Variants in PCDH15 observed in about 807,000 individuals in gnomAD.
PCDH15 encodes protocadherin related 15.
Under a neutral mutation model 178.5 loss-of-function variants are expected in PCDH15, and 129 were observed. The ratio of observed to expected loss-of-function variants is 0.72; its 90% CI spans 0.63 to 0.84. The LOEUF is 0.84. Ranked by LOEUF, PCDH15 falls within the 40% of genes least tolerant of loss-of-function variation. PCDH15 has a pLI of 0.00. For synonymous variants in PCDH15, 800 were observed against 732.0 expected (o/e 1.09, Z -1.50); for missense variants, 2,230 against 2,099.9 (o/e 1.06, Z -1.21).
At chr10:55,464,253 T>C (rs1839780602) in intron 2 of PCDH15, among the ~76,000 whole-genome samples, 1 of 152,128 alleles carries the variant, frequency 6.6e-6, no homozygotes, top group Non-Finnish European at 1.5e-5. Context: ...ATCAGAACAA[T>C]GATGCTGAGA....
chr10:54,866,736 T>C (rs1463500800), intron 3 of PCDH15, among the ~76,000 whole-genome samples: 1 of 151,926 alleles, frequency 6.6e-6, no homozygotes, highest in African/African-American at 2.4e-5. Flanking sequence ...AAAGTTATGT[T>C]ACATCCCTTT....
intron 2 of PCDH15, among the ~76,000 whole-genome samples, chr10:55,515,880 A>G (rs902887374): frequency 6.6e-6 from 1 of 152,186 alleles, no homozygotes; most frequent in Non-Finnish European, 1.5e-5. Flanking sequence ...CCTTTCAAAA[A>G]GAATTTTCAA....
intron 2 of PCDH15, among the ~76,000 whole-genome samples, chr10:55,078,155 C>T (rs1841955831): frequency 6.6e-6 from 1 of 152,050 alleles, no homozygotes; most frequent in African/African-American, 2.4e-5. Context: ...TCTCTCCTGG[C>T]CTGTAATGTT....
intron 1 of PCDH15, among the ~76,000 whole-genome samples, chr10:55,298,716 G>A (rs1007310030): frequency 2.0e-4 from 30 of 152,100 alleles, no homozygotes; most frequent in African/African-American, 6.3e-4. Flanking sequence ...GAGTAGCTGG[G>A]ACTACCAGCG....
rs181133531 is a variant in PCDH15 at position 54,521,821 on chromosome 10, G to T, written c.157+5991C>A. 1.3e-3 allele frequency among the ~76,000 whole-genome samples: 196 copies of T among 152,164 alleles called. 1 individual carries two copies. The highest frequency in any genetic ancestry group is 4.4e-3 in the African/African-American group (182 of 41,520). On this transcript the variant is annotated intron_variant, in intron 3 of 37. Coordinates refer to ENST00000644397, the MANE Select transcript of PCDH15 (RefSeq NM_001384140.1). ...AATAATAAAGTTGGCCGGGCGTGGTGGCTCATGCCTGTAATCCCAGCACTT... is the reference window on the plus strand; with the variant it reads ...AATAATAAAGTTGGCCGGGCGTGGTTGCTCATGCCTGTAATCCCAGCACTT...
intron 8 of PCDH15, among the ~76,000 whole-genome samples, chr10:54,274,787 G>A (rs1274188625): frequency 6.6e-6 from 1 of 151,786 alleles, no homozygotes; most frequent in Non-Finnish European, 1.5e-5. Flanking sequence ...CAATAATGCA[G>A]AAGCCTTCAT....
chr10:55,546,841 T>C (rs555137306), intron 2 of PCDH15, among the ~76,000 whole-genome samples: 91 of 151,830 alleles, frequency 6.0e-4, no homozygotes, highest in African/African-American at 2.1e-3. Flanking sequence ...GGAATTAGAA[T>C]AACAAGAAAA....
Position 54,153,269 on chromosome 10 carries a change from C to A in PCDH15, c.1615G>T (p.Gly539Trp), listed in dbSNP as rs773321787. 14 of 1,613,822 alleles carry A rather than the reference C, an allele frequency of 8.7e-6. No individual in the cohort carries two copies. Among genetic ancestry groups the A allele is most frequent in the Middle Eastern group, 1.7e-4 (1 of 6,054 alleles). ...TCATATGTGATCTCCCCATTTGACC[C>A]TTCGTCTGCGTCGACTGCAGTGAGC... ...IQLTAVDADE[G>W]SNGEITYEIL... is the part of the protein sequence containing the mutation. Residue 539 changes from glycine to tryptophan, a missense_variant, in exon 14 of 38, where the codon GGG (glycine) becomes TGG (tryptophan). Physicochemically the swap from Gly to Trp is radical, Grantham distance 184 (BLOSUM62 -2). Transcript: ENST00000644397.
intron 1 of PCDH15, among the ~76,000 whole-genome samples, chr10:55,275,681 T>G (rs1192740472): frequency 2.0e-5 from 3 of 151,596 alleles, no homozygotes; most frequent in Non-Finnish European, 4.4e-5. Context: ...ATTATAAATC[T>G]TGAAATCAGT....
At chr10:54,128,016 C>CT (rs1013722290) in intron 15 of PCDH15, among the ~76,000 whole-genome samples, 1 of 152,108 alleles carries the variant, frequency 6.6e-6, no homozygotes, top group African/African-American at 2.4e-5. Flanking sequence ...ATGTTCTTGT[C>CT]TTTTTTCCTT....
At chr10:54,694,110 T>C (rs762309908) in intron 1 of PCDH15, among the ~76,000 whole-genome samples, 11 of 152,114 alleles carry the variant, frequency 7.2e-5, no homozygotes, top group Non-Finnish European at 1.5e-4. Context: ...TCATTTAGTA[T>C]ATTAAAAATT....
intron 25 of PCDH15, among the ~76,000 whole-genome samples, chr10:53,922,755 C>G (rs2084105275): frequency 6.6e-6 from 1 of 152,114 alleles, no homozygotes; most frequent in Admixed American, 6.6e-5. Flanking sequence ...AACCACTAAA[C>G]TGGTTAAAGT....
In PCDH15 at chr10:54,317,591, A is replaced by G. The variant is rs2061358220; in HGVS notation, c.706-150T>C. The G allele has an allele frequency of 1.7e-5, 15 of 878,076 alleles. No homozygotes were observed. In the South Asian group the frequency reaches 1.8e-4, roughly 10 times the overall value. 54.4% of individuals were successfully genotyped at this position (878,076 alleles called of 1,614,324 possible). Reference sequence around the variant, plus strand: ...GGGGTTTGATACCAGCCTGGCAAACATGGTGAAACCCCGTCTCCACTAAAA... The same window carrying G: ...GGGGTTTGATACCAGCCTGGCAAACGTGGTGAAACCCCGTCTCCACTAAAA... On this transcript the variant is annotated intron_variant, in intron 7 of 37. Transcript: ENST00000644397.
rs76039695 is a variant in PCDH15, at chr10:53,885,882, T to G, written c.3501+17361A>C. ...AATCTATTATGTTGTATTCAGCTTC[T>G]TATAATTATTCCTTATTCTACTATT... On this transcript the variant is annotated intron_variant, in intron 26 of 37. Coordinates refer to ENST00000644397, the MANE Select transcript of PCDH15 (RefSeq NM_001384140.1). Among the ~76,000 whole-genome samples, 158 of 152,310 alleles carry G rather than the reference T, an allele frequency of 1.0e-3. 2 individuals are homozygous for G. The East Asian group carries it at 0.029, about 28-fold the overall frequency.
chr10:53,843,550 T>A (rs2077789944), intron 28 of PCDH15, among the ~76,000 whole-genome samples: 1 of 152,024 alleles, frequency 6.6e-6, no homozygotes, highest in Non-Finnish European at 1.5e-5. Flanking sequence ...AGCTGGATGG[T>A]ATGATTTTGA....
chr10:54,828,198 G>A (rs943327189), intron 3 of PCDH15, among the ~76,000 whole-genome samples: 1 of 151,836 alleles, frequency 6.6e-6, no homozygotes, highest in African/African-American at 2.4e-5. Context: ...ACCTTGGCTT[G>A]GACCCATACT....
chr10:54,334,387 A>C (rs986966865), intron 6 of PCDH15, among the ~76,000 whole-genome samples: 1 of 152,158 alleles, frequency 6.6e-6, no homozygotes, highest in Non-Finnish European at 1.5e-5. Context: ...TGTGTTTCCC[A>C]AGATGATTCC....
At chr10:54,775,450 C>A (rs12761241) in intron 1 of PCDH15, among the ~76,000 whole-genome samples, 2 of 152,094 alleles carry the variant, frequency 1.3e-5, no homozygotes, top group Admixed American at 6.5e-5. Context: ...TTAGCATATC[C>A]ATTATCTCCA....
chr10:54,336,254 C>A (rs1817993568), intron 6 of PCDH15, among the ~76,000 whole-genome samples: 2 of 152,114 alleles, frequency 1.3e-5, no homozygotes. Flanking sequence ...AGAAAAGAAA[C>A]ACCCATTTTC....
Sources: gnomAD v4.1 joint callset for allele counts (sites outside exome capture counted in the v4.1 genomes callset) on GRCh38, gnomAD v4.1.1 for gene constraint, MANE v1.5 for transcripts, NCBI Gene and HGNC (gene_info 2026-07-23, HGNC 2026-07-21) for gene names.